CNPY1: variants seen among roughly 807,000 people sequenced by gnomAD.
CNPY1 encodes the protein canopy FGF signaling regulator 1, also known as protein canopy homolog 1.
CNPY1 carries 14 observed loss-of-function variants against 14.4 expected under a neutral mutation model. The observed-to-expected ratio is 0.97, with a 90% CI of 0.64 to 1.52. The LOEUF (loss-of-function observed/expected upper bound fraction) is 1.52. Ranked by LOEUF, CNPY1 falls within the 40% of genes most tolerant of loss-of-function variation. The probability of loss-of-function intolerance (pLI) is 0.00; values close to 1 mark genes in which losing one functional copy is unlikely to be tolerated. For missense variants in CNPY1, 129 were observed against 131.5 expected (o/e 0.98, Z 0.09); for synonymous variants, 43 against 46.5 (o/e 0.92, Z 0.31).
intron 2 of CNPY1, among the ~76,000 whole-genome samples, chr7:155,515,799 G>A (rs915353089): frequency 2.6e-5 from 4 of 152,160 alleles, no homozygotes; most frequent in African/African-American, 9.7e-5. Flanking sequence ...GGTTCCCAGG[G>A]TCTAGAAAGA....
chr7:155,506,657 G>A (rs902735323), intron 4 of CNPY1: 5 of 204,680 alleles, frequency 2.4e-5, no homozygotes, highest in African/African-American at 9.5e-5. Context: ...TGAAGTGAGG[G>A]TCTCCTTCCC....
intron 2 of CNPY1, among the ~76,000 whole-genome samples, chr7:155,533,408 G>A (rs921152274): frequency 7.9e-5 from 12 of 152,232 alleles, no homozygotes; most frequent in Non-Finnish European, 2.9e-5. Flanking sequence ...CAAAGTTAAC[G>A]TTTGTTTACT....
intron 4 of CNPY1, 155 bp downstream of exon 4, chr7:155,506,865 G>C: frequency 1.5e-6 from 1 of 648,504 alleles, no homozygotes; most frequent in Non-Finnish European, 2.7e-6. Flanking sequence ...TCTCTCACAT[G>C]CTGTCGTTTC....
chr7:155,531,087 C>T (rs941862156), intron 2 of CNPY1, among the ~76,000 whole-genome samples: 1 of 152,194 alleles, frequency 6.6e-6, no homozygotes, highest in East Asian at 1.9e-4. Context: ...TGCAGTTTGT[C>T]TTGACATCCT....
chr7:155,533,091 T>C (rs1796968334), intron 2 of CNPY1, among the ~76,000 whole-genome samples: 1 of 152,228 alleles, frequency 6.6e-6, no homozygotes, highest in African/African-American at 2.4e-5. Flanking sequence ...GAGGATCTTC[T>C]ATTGCAGTTA....
chr7:155,516,530 G>A (rs759226124), intron 2 of CNPY1, among the ~76,000 whole-genome samples: 7 of 151,730 alleles, frequency 4.6e-5, no homozygotes, highest in East Asian at 1.9e-4. Context: ...AGGAGGCTGC[G>A]GTATGACCAG....
intron 1 of CNPY1, 77 bp downstream of exon 1, chr7:155,546,352 A>ATTT (rs34943403): frequency 1.1e-5 from 4 of 377,130 alleles, no homozygotes; most frequent in Non-Finnish European, 1.9e-5. Context: ...CACCCGGCTA[A>ATTT]TTTTTTTTTT....
chr7:155,503,538 A>G (rs1385161485), intron 4 of CNPY1, among the ~76,000 whole-genome samples: 1 of 152,204 alleles, frequency 6.6e-6, no homozygotes, highest in Non-Finnish European at 1.5e-5. Flanking sequence ...TGCAAACTCT[A>G]TCGAAAAAGG....
intron 2 of CNPY1, among the ~76,000 whole-genome samples, chr7:155,520,392 A>G (rs1275056431): frequency 7.0e-6 from 1 of 143,198 alleles, no homozygotes; most frequent in African/African-American, 2.6e-5. Context: ...AGTGGCCACC[A>G]GTTGTCTCTT....
At chr7:155,508,447 G>A (rs7794664) in intron 3 of CNPY1, among the ~76,000 whole-genome samples, 16,895 of 152,220 alleles carry the variant, frequency 0.11, 3,057 homozygotes, top group African/African-American at 0.38. Context: ...TTTGAAAGCG[G>A]CATTCGTTTT....
At chr7:155,529,501 C>A (rs1796897751) in intron 2 of CNPY1, among the ~76,000 whole-genome samples, 2 of 152,210 alleles carry the variant, frequency 1.3e-5, no homozygotes, top group South Asian at 4.1e-4. Context: ...CAGGCTCAGG[C>A]AAGGGTCCTT....
intron 3 of CNPY1, among the ~76,000 whole-genome samples, chr7:155,508,650 C>T (rs2885340): frequency 0.049 from 7,506 of 152,294 alleles, 236 homozygotes; most frequent in Non-Finnish European, 0.069. Context: ...TAAAGTATCA[C>T]TGAGACGTGT....
At chr7:155,511,685 T>G (rs1165279914) in intron 2 of CNPY1, among the ~76,000 whole-genome samples, 2 of 152,212 alleles carry the variant, frequency 1.3e-5, no homozygotes, top group African/African-American at 4.8e-5. Flanking sequence ...GAGTAAACAT[T>G]CTTTAAAAGT....
intron 2 of CNPY1, among the ~76,000 whole-genome samples, chr7:155,532,675 A>G (rs1199938602): frequency 2.0e-5 from 3 of 149,102 alleles, no homozygotes; most frequent in African/African-American, 7.5e-5. Flanking sequence ...GGTTCCTACC[A>G]CCTCCTCCTA....
chr7:155,506,536 A>T (rs1796314981), intron 4 of CNPY1: 1 of 146,002 alleles, frequency 6.8e-6, no homozygotes, highest in African/African-American at 2.8e-5. Flanking sequence ...ACCTGGAAAA[A>T]AATCCAGCAT....
chr7:155,526,497 A>C (rs1275822176), intron 2 of CNPY1, among the ~76,000 whole-genome samples: 2 of 152,164 alleles, frequency 1.3e-5, no homozygotes, highest in African/African-American at 4.8e-5. Flanking sequence ...ATCAGGCGGG[A>C]CAGGGAGAGT....
chr7:155,543,125 T>C (rs891902637), intron 2 of CNPY1, among the ~76,000 whole-genome samples: 3 of 152,136 alleles, frequency 2.0e-5, no homozygotes, highest in Non-Finnish European at 2.9e-5. Flanking sequence ...ACGGCCTGTG[T>C]TTCTTTCCAG....
intron 2 of CNPY1, among the ~76,000 whole-genome samples, chr7:155,511,993 CT>C (rs145717770): frequency 5.9e-5 from 9 of 152,070 alleles, no homozygotes; most frequent in Admixed American, 2.0e-4. Flanking sequence ...AATAACTGGG[CT>C]TTTTTTTCCC....
intron 2 of CNPY1, among the ~76,000 whole-genome samples, chr7:155,537,889 AAT>A (rs1230049009): frequency 6.6e-6 from 1 of 152,226 alleles, no homozygotes; most frequent in Non-Finnish European, 1.5e-5. Context: ...TTTAACAAGT[AAT>A]ATGTTTATTA....
Sources: gnomAD v4.1 joint callset for allele counts (sites outside exome capture counted in the v4.1 genomes callset) on GRCh38, gnomAD v4.1.1 for gene constraint, MANE v1.5 for transcripts, NCBI Gene and HGNC (gene_info 2026-07-23, HGNC 2026-07-21) for gene names.